SUGCT: variants seen among roughly 807,000 people sequenced by gnomAD.
SUGCT encodes the protein succinyl-CoA:glutarate CoA-transferase.
Under a neutral mutation model 55.0 loss-of-function variants are expected in SUGCT, and 41 were observed. The ratio of observed to expected loss-of-function variants is 0.74; its 90% CI spans 0.58 to 0.97. The LOEUF (loss-of-function observed/expected upper bound fraction) is 0.97, where lower values mean the gene tolerates loss of function less well. Ranked by LOEUF, SUGCT falls within the 50% of genes least tolerant of loss-of-function variation. SUGCT has a pLI of 0.00. For missense variants in SUGCT, 568 were observed against 547.8 expected, an observed-to-expected ratio of 1.04 and a Z score of -0.37; for synonymous variants, 187 against 200.4, an observed-to-expected ratio of 0.93 and a Z score of 0.56.
chr7:40,428,082 T>C (rs1021527973), intron 9 of SUGCT, among the ~76,000 whole-genome samples: 4 of 152,190 alleles, frequency 2.6e-5, no homozygotes, highest in African/African-American at 9.7e-5. Context: ...ATTTTCATAA[T>C]TGCTGTATCT....
intron 9 of SUGCT, among the ~76,000 whole-genome samples, chr7:40,396,971 T>C (rs892504437): frequency 6.6e-6 from 1 of 152,194 alleles, no homozygotes; most frequent in Non-Finnish European, 1.5e-5. Context: ...AGTTTGATTT[T>C]ATAGAAAATG....
At chr7:40,415,090 A>AACTG (rs1786913214) in intron 9 of SUGCT, among the ~76,000 whole-genome samples, 1 of 143,634 alleles carries the variant, frequency 7.0e-6, no homozygotes, top group Admixed American at 7.1e-5. Context: ...CTATCTATCT[A>AACTG]TCTATCTATC....
At chr7:40,890,303 TTAAA>T in the SUGCT span, among the ~76,000 whole-genome samples, 9,074 of 130,002 alleles carry the variant, frequency 0.07, 846 homozygotes, top group African/African-American at 0.22. Flanking sequence ...ATAATATAAA[TTAAA>T]TATTTATGTT....
chr7:40,950,668 G>A, the SUGCT span, among the ~76,000 whole-genome samples: 2 of 152,046 alleles, frequency 1.3e-5, no homozygotes, highest in East Asian at 1.9e-4. Flanking sequence ...TAACATGAAG[G>A]GCTGTTGAAT....
intron 12 of SUGCT, among the ~76,000 whole-genome samples, chr7:40,536,053 A>G (rs1447998389): frequency 6.6e-6 from 1 of 152,136 alleles, no homozygotes; most frequent in Admixed American, 6.6e-5. Context: ...AAAATTTCAT[A>G]TAGATTCTGG....
chr7:40,796,080 G>T (rs770447043), intron 13 of SUGCT, among the ~76,000 whole-genome samples: 4 of 151,876 alleles, frequency 2.6e-5, no homozygotes, highest in Non-Finnish European at 4.4e-5. Flanking sequence ...AGACCTCAAA[G>T]TTCTTTCCTT....
chr7:40,843,281 G>A (rs2128791325), intron 13 of SUGCT, among the ~76,000 whole-genome samples: 1 of 152,212 alleles, frequency 6.6e-6, no homozygotes, highest in South Asian at 2.1e-4. Flanking sequence ...GGAGGCCGAG[G>A]CGGGCAGATC....
At chr7:40,980,707 A>T in the SUGCT span, among the ~76,000 whole-genome samples, 2 of 150,374 alleles carry the variant, frequency 1.3e-5, no homozygotes, top group African/African-American at 4.9e-5. Flanking sequence ...ATACCATTAA[A>T]TTTTTTTTTT....
At chr7:40,272,403 C>T (rs1185541787) in intron 7 of SUGCT, among the ~76,000 whole-genome samples, 5 of 149,116 alleles carry the variant, frequency 3.4e-5, no homozygotes, top group Admixed American at 6.7e-5. Context: ...TTCTTGAACT[C>T]GTGGCCTCAA....
chr7:40,522,642 A>T (rs2151577789), intron 12 of SUGCT, among the ~76,000 whole-genome samples: 1 of 152,284 alleles, frequency 6.6e-6, no homozygotes, highest in South Asian at 2.1e-4. Flanking sequence ...TGTATAATAA[A>T]GGAAAACATC....
intron 12 of SUGCT, among the ~76,000 whole-genome samples, chr7:40,558,221 G>A (rs1795658165): frequency 6.6e-6 from 1 of 152,104 alleles, no homozygotes; most frequent in Non-Finnish European, 1.5e-5. Context: ...AGTTTCTCCA[G>A]AAGTTAAACA....
At chr7:40,175,216 C>T (rs1477801615) in intron 1 of SUGCT, among the ~76,000 whole-genome samples, 3 of 151,636 alleles carry the variant, frequency 2.0e-5, no homozygotes, top group East Asian at 1.9e-4. Context: ...CACTGTAGTG[C>T]GTTTAAATTT....
intron 6 of SUGCT, among the ~76,000 whole-genome samples, chr7:40,231,367 C>A (rs1265342238): frequency 6.6e-6 from 1 of 152,088 alleles, no homozygotes; most frequent in African/African-American, 2.4e-5. Flanking sequence ...TGGTCACAGG[C>A]CTCAGGGTAC....
intron 12 of SUGCT, among the ~76,000 whole-genome samples, chr7:40,534,355 C>A (rs1442425764): frequency 6.6e-6 from 1 of 152,096 alleles, no homozygotes; most frequent in Non-Finnish European, 1.5e-5. Flanking sequence ...TGAATTAGGA[C>A]ATATTTGTAA....
intron 9 of SUGCT, among the ~76,000 whole-genome samples, chr7:40,334,464 T>C (rs972525784): frequency 2.0e-5 from 3 of 152,214 alleles, no homozygotes; most frequent in Non-Finnish European, 4.4e-5. Flanking sequence ...GGAGATGGTA[T>C]CTCATTGTGG....
chr7:40,580,119 G>T (rs553225284), intron 12 of SUGCT, among the ~76,000 whole-genome samples: 1 of 152,054 alleles, frequency 6.6e-6, no homozygotes, highest in Non-Finnish European at 1.5e-5. Flanking sequence ...CTTTGTTTTT[G>T]CAATGCAAAA....
the SUGCT span, among the ~76,000 whole-genome samples, chr7:40,943,315 A>G: frequency 6.6e-6 from 1 of 150,824 alleles, no homozygotes; most frequent in Admixed American, 6.6e-5. Flanking sequence ...GTTTTAGGGT[A>G]CATGTGCACA....
At chr7:40,960,874 T>C in the SUGCT span, among the ~76,000 whole-genome samples, 7 of 152,230 alleles carry the variant, frequency 4.6e-5, no homozygotes, top group Admixed American at 4.6e-4. Context: ...TGTATATGTG[T>C]ATTAATGCAT....
chr7:40,684,659 G>A (rs1784391855), intron 12 of SUGCT, among the ~76,000 whole-genome samples: 2 of 152,202 alleles, frequency 1.3e-5, no homozygotes, highest in South Asian at 2.1e-4. Flanking sequence ...TGGACAATGA[G>A]GATTTAGCTC....
Sources: allele counts gnomAD v4.1 joint callset (sites outside exome capture counted in the v4.1 genomes callset), GRCh38; gene constraint gnomAD v4.1.1; transcripts MANE v1.5; gene names NCBI Gene and HGNC (gene_info 2026-07-23, HGNC 2026-07-21).